The following KCNH7 variants were observed in gnomAD, a reference collection of about 807,000 sequenced individuals.
KCNH7 encodes the protein voltage-gated inwardly rectifying potassium channel KCNH7.
KCNH7 carries 49 observed loss-of-function variants against 120.8 expected under a neutral mutation model. The observed-to-expected ratio is 0.41, with a 90% CI of 0.32 to 0.51. KCNH7 has a LOEUF of 0.51. Ranked by LOEUF, KCNH7 falls within the 20% of genes least tolerant of loss-of-function variation. The pLI, the probability that KCNH7 is intolerant of heterozygous loss-of-function variation, is 0.38. For missense variants in KCNH7, 1,097 were observed against 1,446.6 expected (o/e 0.76, Z 3.92); for synonymous variants, 547 against 516.1 (o/e 1.06, Z -0.81).
chr2:162,578,351 A>G (rs1693756767), intron 2 of KCNH7, among the ~76,000 whole-genome samples: 1 of 152,082 alleles, frequency 6.6e-6, no homozygotes, highest in Non-Finnish European at 1.5e-5. Context: ...GCTTTCAAAC[A>G]TGTTTCCACA....
At chr2:162,626,040 A>G (rs1428359959) in intron 2 of KCNH7, among the ~76,000 whole-genome samples, 1 of 152,162 alleles carries the variant, frequency 6.6e-6, no homozygotes, top group African/African-American at 2.4e-5. Flanking sequence ...AACTTTGGCT[A>G]TAGTTACTAT....
chr2:162,775,777 T>C (rs1683212428), intron 2 of KCNH7, among the ~76,000 whole-genome samples: 1 of 152,200 alleles, frequency 6.6e-6, no homozygotes, highest in Non-Finnish European at 1.5e-5. Flanking sequence ...ATATCCATAG[T>C]GGCATAAGTG....
chr2:162,577,995 C>T (rs1693746312), intron 2 of KCNH7, among the ~76,000 whole-genome samples: 1 of 152,034 alleles, frequency 6.6e-6, no homozygotes, highest in Non-Finnish European at 1.5e-5. Flanking sequence ...CATAGAATTT[C>T]TAAGTGACTG....
At position 162,613,591 on chromosome 2, in the gene KCNH7, C is replaced by G. The variant is rs1436363277; in HGVS notation, c.308-76511G>C. Among the ~76,000 whole-genome samples, 3 of 151,902 alleles carry G rather than the reference C, an allele frequency of 2.0e-5. No homozygotes were observed. In the East Asian group the frequency reaches 5.8e-4, roughly 29 times the overall value. On this transcript the variant is annotated intron_variant, in intron 2 of 15. Coordinates refer to ENST00000332142, the MANE Select transcript of KCNH7 (RefSeq NM_033272.4). ...AAAACTCCTTTTTAAAATTATGACTCTTTCAAAAATACACTGTTCTTTCCT... is the reference window on the plus strand; with the variant it reads ...AAAACTCCTTTTTAAAATTATGACTGTTTCAAAAATACACTGTTCTTTCCT...
intron 2 of KCNH7, among the ~76,000 whole-genome samples, chr2:162,712,488 G>T (rs1399663551): frequency 6.6e-6 from 1 of 152,122 alleles, no homozygotes; most frequent in Non-Finnish European, 1.5e-5. Context: ...CTGCATAAGA[G>T]GGGAGAATGG....
chr2:162,758,589 G>A (rs305676), intron 2 of KCNH7, among the ~76,000 whole-genome samples: 9,194 of 151,640 alleles, frequency 0.061, 767 homozygotes, highest in African/African-American at 0.18. Context: ...CTACATTTAC[G>A]TATCTACATA....
chr2:162,582,687 C>G (rs1402680735), intron 2 of KCNH7, among the ~76,000 whole-genome samples: 1 of 151,944 alleles, frequency 6.6e-6, no homozygotes, highest in Non-Finnish European at 1.5e-5. Context: ...GTCACATTAT[C>G]TTTAGATCTA....
chr2:162,654,766 TG>T (rs1684685040), intron 2 of KCNH7, among the ~76,000 whole-genome samples: 1 of 152,304 alleles, frequency 6.6e-6, no homozygotes, highest in Admixed American at 6.5e-5. Flanking sequence ...AAAGAGAATG[TG>T]GTATATATAC....
At position 162,384,680 on chromosome 2, in the gene KCNH7, T is replaced by G; in HGVS notation, c.2962+8A>C. On this transcript the variant is annotated splice_region_variant and intron_variant, in intron 13 of 15. Coordinates refer to ENST00000332142, the MANE Select transcript of KCNH7 (RefSeq NM_033272.4). The stretch of plus-strand genomic sequence containing the variant: ...AGAGAGACCACCTGATGTCTAACTC[T>G]GGATTACCTTTGCAAGAGTGACTTC... 1 of 1,611,312 alleles carries G rather than the reference T, an allele frequency of 6.2e-7. No individual in the cohort carries two copies. The highest frequency in any genetic ancestry group is 8.5e-7 in the Non-Finnish European group (1 of 1,178,402).
chr2:162,712,670 G>A (rs1686967883), intron 2 of KCNH7, among the ~76,000 whole-genome samples: 1 of 152,102 alleles, frequency 6.6e-6, no homozygotes, highest in African/African-American at 2.4e-5. Context: ...TATCTATAGT[G>A]TCCTTTTTAG....
intron 2 of KCNH7, among the ~76,000 whole-genome samples, chr2:162,645,218 G>T (rs1684313078): frequency 6.6e-6 from 1 of 151,956 alleles, no homozygotes; most frequent in Admixed American, 6.6e-5. Context: ...CGTGATCTTG[G>T]CTCACTGCAA....
At chr2:162,571,590 C>T (rs1336982469) in intron 2 of KCNH7, among the ~76,000 whole-genome samples, 2 of 149,242 alleles carry the variant, frequency 1.3e-5, no homozygotes, top group Non-Finnish European at 3.0e-5. Flanking sequence ...ATCGCCAAGT[C>T]AATCCTAAGC....
chr2:162,468,060 A>G lies in KCNH7; in HGVS notation c.1129-21617T>C, dbSNP rs1689365724. On this transcript the variant is annotated intron_variant, in intron 6 of 15. Transcript: ENST00000332142. ...TAGAAGAGATACAAACATTTAGACC[A>G]CAGAACTGACTCTGTCAGAGTGTTC... Among the ~76,000 whole-genome samples the G allele has an allele frequency of 5.9e-5, 9 of 152,304 alleles. No individual in the cohort carries two copies. In the South Asian group the frequency reaches 1.9e-3, roughly 32 times the overall value.
intron 2 of KCNH7, among the ~76,000 whole-genome samples, chr2:162,742,847 A>C (rs2105413634): frequency 6.6e-6 from 1 of 152,328 alleles, no homozygotes; most frequent in South Asian, 2.1e-4. Flanking sequence ...GCTCCAATTC[A>C]GGTAGTGGAA....
intron 7 of KCNH7, among the ~76,000 whole-genome samples, chr2:162,444,010 G>T (rs1688504206): frequency 6.6e-6 from 1 of 152,148 alleles, no homozygotes; most frequent in Non-Finnish European, 1.5e-5. Flanking sequence ...TTCCTATCAA[G>T]TCTCAACTCA....
chr2:162,689,317 A>AT (rs1266596141), intron 2 of KCNH7, among the ~76,000 whole-genome samples: 2 of 151,702 alleles, frequency 1.3e-5, no homozygotes, highest in Non-Finnish European at 2.9e-5. Context: ...TGCCTGGCTG[A>AT]TTTTTTGTAT....
At chr2:162,375,499 T>A (rs1686132211) in intron 14 of KCNH7, among the ~76,000 whole-genome samples, 1 of 152,218 alleles carries the variant, frequency 6.6e-6, no homozygotes, top group Admixed American at 6.5e-5. Flanking sequence ...TGAGTGGGAC[T>A]TAATTTTGTT....
chr2:162,695,900 A>G lies in KCNH7; in HGVS notation c.307+140637T>C, dbSNP rs77453562. 6.2e-3 allele frequency among the ~76,000 whole-genome samples: 945 copies of G among 152,322 alleles called. 16 individuals carry two copies. The highest frequency in any genetic ancestry group is 0.021 in the African/African-American group (892 of 41,580). The stretch of plus-strand genomic sequence containing the variant: ...AATCTTGGAAAGCAAACCACCTTAT[A>G]TTTTGGATCACTTCAAGAAAACAAC... On this transcript the variant is annotated intron_variant, in intron 2 of 15. Transcript: ENST00000332142.
At chr2:162,558,856 T>G (rs963364426) in intron 2 of KCNH7, among the ~76,000 whole-genome samples, 1 of 151,310 alleles carries the variant, frequency 6.6e-6, no homozygotes, top group African/African-American at 2.4e-5. Context: ...GAGGTCAGGA[T>G]ATCGAGACCA....
Sources: allele counts gnomAD v4.1 joint callset (sites outside exome capture counted in the v4.1 genomes callset), GRCh38; gene constraint gnomAD v4.1.1; transcripts MANE v1.5; gene names NCBI Gene and HGNC (gene_info 2026-07-23, HGNC 2026-07-21).